The following NINL variants were observed in gnomAD, a reference collection of about 807,000 sequenced individuals.
NINL encodes the protein ninein like.
Under a neutral mutation model 160.3 loss-of-function variants are expected in NINL, and 153 were observed. That is an observed-to-expected ratio of 0.95 (90% CI 0.84 to 1.09). NINL has a LOEUF of 1.09. NINL is among the 50% of genes least tolerant of loss of function. The pLI is 0.00. For synonymous variants in NINL, 800 were observed against 734.8 expected (o/e 1.09, Z -1.43); for missense variants, 1,829 against 1,764.0 (o/e 1.04, Z -0.66).
rs2090578802 is a variant in NINL at position 25,453,375 on chromosome 20, C to T, written c.*76G>A. 2 of 1,338,090 alleles carry T rather than the reference C, an allele frequency of 1.5e-6. No homozygotes were observed. Among genetic ancestry groups the T allele is most frequent in the Non-Finnish European group, 2.1e-6 (2 of 965,126 alleles). 82.9% of individuals were successfully genotyped at this position (1,338,090 alleles called of 1,614,324 possible). A position where few individuals can be genotyped will look rare whatever the true frequency, so the allele number is the denominator to read the frequency against. On this transcript the variant is annotated 3_prime_UTR_variant, in exon 24 of 24. Coordinates refer to ENST00000278886, the MANE Select transcript of NINL (RefSeq NM_025176.6). The stretch of plus-strand genomic sequence containing the variant: ...TGTCCCAGGACTCATGGCTCATGAC[C>T]CACGGAATCTAAGGCAGCACAGTGG...
At chr20:25,488,097 CTG>C (rs1310013252) in intron 13 of NINL, among the ~76,000 whole-genome samples, 1 of 152,228 alleles carries the variant, frequency 6.6e-6, no homozygotes, top group East Asian at 1.9e-4. Context: ...ATCAATCACT[CTG>C]TGTCATACAG....
In NINL at chr20:25,476,842, C is replaced by T; in HGVS notation, c.2449G>A (p.Val817Met). The change falls in exon 17 of 24, where the codon GTG (valine) becomes ATG (methionine). Residue 817 changes from valine (V) to methionine (M), a missense_variant. By Grantham distance (21) the Val-to-Met change is conservative (BLOSUM62 1). Transcript: ENST00000278886. ...EELELARGKR[V>M]DGPSLEAEMQ... The stretch of plus-strand genomic sequence containing the variant: ...TCTGCTTCCAGGGAGGGCCCGTCCA[C>T]TCGCTTCCCGCGGGCAAGCTCCAAC... 2 of 1,613,408 alleles carry T rather than the reference C, an allele frequency of 1.2e-6. No homozygotes were observed. The highest frequency in any genetic ancestry group is 1.7e-6 in the Non-Finnish European group (2 of 1,179,936).
At chr20:25,578,621 G>A (rs539974739) in intron 1 of NINL, among the ~76,000 whole-genome samples, 4 of 151,624 alleles carry the variant, frequency 2.6e-5, no homozygotes, top group Admixed American at 1.3e-4. Context: ...GTGAAACCCC[G>A]TCTCTACTAA....
chr20:25,492,027 C>T (rs2063652196), intron 10 of NINL, among the ~76,000 whole-genome samples: 1 of 152,146 alleles, frequency 6.6e-6, no homozygotes, highest in Non-Finnish European at 1.5e-5. Context: ...TTTCCATTAG[C>T]AGGAAAAACA....
chr20:25,525,584 T>A (rs409322), intron 2 of NINL, among the ~76,000 whole-genome samples: 1 of 151,790 alleles, frequency 6.6e-6, no homozygotes, highest in African/African-American at 2.4e-5. Context: ...AGTCTGGGAG[T>A]TGAAGGTTGC....
intron 19 of NINL, among the ~76,000 whole-genome samples, chr20:25,463,626 T>G (rs76627504): frequency 6.6e-6 from 1 of 152,188 alleles, no homozygotes; most frequent in Non-Finnish European, 1.5e-5. Context: ...TATTTCTGCT[T>G]ACTTGCTTTT....
intron 18 of NINL, among the ~76,000 whole-genome samples, chr20:25,469,587 A>G (rs1290989275): frequency 6.6e-6 from 1 of 151,854 alleles, no homozygotes; most frequent in Non-Finnish European, 1.5e-5. Context: ...AGGAAGGCAG[A>G]GCTGAAGCTG....
At chr20:25,537,916 C>T (rs368058848) in intron 1 of NINL, among the ~76,000 whole-genome samples, 5 of 152,232 alleles carry the variant, frequency 3.3e-5, no homozygotes, top group South Asian at 2.1e-4. Context: ...CATCTACACT[C>T]GCACTCTTGC....
intron 1 of NINL, among the ~76,000 whole-genome samples, chr20:25,582,122 G>A (rs8120972): frequency 0.051 from 7,783 of 152,170 alleles, 212 homozygotes; most frequent in Middle Eastern, 0.11. Context: ...GGGCATGGTG[G>A]TGTACTCCTA....
At chr20:25,499,984 G>A (rs541903577) in intron 8 of NINL, among the ~76,000 whole-genome samples, 1 of 142,428 alleles carries the variant, frequency 7.0e-6, no homozygotes, top group East Asian at 2.1e-4. Flanking sequence ...TAGCCAGAAT[G>A]TATATATACA....
intron 1 of NINL, among the ~76,000 whole-genome samples, chr20:25,582,333 C>T (rs1165724978): frequency 2.0e-5 from 3 of 151,840 alleles, no homozygotes; most frequent in Non-Finnish European, 2.9e-5. Flanking sequence ...GCTTTCTTTC[C>T]AATTTGATGG....
chr20:25,554,322 C>T (rs903143535), intron 1 of NINL, among the ~76,000 whole-genome samples: 2 of 152,116 alleles, frequency 1.3e-5, no homozygotes, highest in Non-Finnish European at 2.9e-5. Flanking sequence ...GTGGACAGAA[C>T]ATGAAACCCC....
In NINL at chr20:25,453,219, T is replaced by G; in HGVS notation, c.*232A>C. The G allele has an allele frequency of 2.6e-6, 1 of 380,370 alleles. No individual in the cohort carries two copies. Among genetic ancestry groups the G allele is most frequent in the South Asian group, 9.1e-5 (1 of 11,004 alleles). 23.6% of individuals were successfully genotyped at this position (380,370 alleles called of 1,614,324 possible). On this transcript the variant is annotated 3_prime_UTR_variant, in exon 24 of 24. Transcript: ENST00000278886. ...AAACTGGGAATTTTGCCAAGGGAAA[T>G]TACTCAGGACCGCTAATAAAAACGC... is the stretch of plus-strand genomic sequence containing the variant.
At chr20:25,567,438 C>A (rs553300355) in intron 1 of NINL, among the ~76,000 whole-genome samples, 8 of 152,216 alleles carry the variant, frequency 5.3e-5, no homozygotes, top group Admixed American at 2.0e-4. Flanking sequence ...ACCAAAAAAT[C>A]GAGGCCGAGG....
intron 1 of NINL, among the ~76,000 whole-genome samples, chr20:25,535,455 T>C (rs1325120150): frequency 6.6e-6 from 1 of 152,220 alleles, no homozygotes; most frequent in Non-Finnish European, 1.5e-5. Context: ...ATATGTTAAT[T>C]AGCTAGATTT....
intron 5 of NINL, chr20:25,509,769 G>A (rs559161403): frequency 4.4e-6 from 2 of 454,068 alleles, no homozygotes; most frequent in Admixed American, 2.4e-5. Context: ...ATAGGTGTTG[G>A]TCTTTTCTAT....
chr20:25,537,541 C>T (rs1180501936), intron 1 of NINL, among the ~76,000 whole-genome samples: 1 of 152,222 alleles, frequency 6.6e-6, no homozygotes. Flanking sequence ...CTAGTCATCC[C>T]CACACACAAA....
intron 4 of NINL, 40 bp from the exon 5 acceptor site, chr20:25,510,780 G>A: frequency 6.7e-7 from 1 of 1,498,412 alleles, no homozygotes. Flanking sequence ...AGTTCCAGGG[G>A]GTGCTGCTGG....
intron 3 of NINL, among the ~76,000 whole-genome samples, chr20:25,513,215 A>AGGGTGGGGAGAGGAG (rs551081688): frequency 5.3e-4 from 81 of 152,298 alleles, no homozygotes; most frequent in African/African-American, 1.9e-3. Context: ...TGAGAAAGCA[A>AGGGTGGGGAGAGGAG]GGGTGGGGAG....
Sources: gnomAD v4.1 joint callset for allele counts (sites outside exome capture counted in the v4.1 genomes callset) on GRCh38, gnomAD v4.1.1 for gene constraint, MANE v1.5 for transcripts, NCBI Gene and HGNC (gene_info 2026-07-23, HGNC 2026-07-21) for gene names.